The following ATP6V1A variants were observed in gnomAD, a reference collection of about 807,000 sequenced individuals.
ATP6V1A encodes the protein V-type proton ATPase catalytic subunit A.
A neutral mutation model predicts 70.1 loss-of-function variants in ATP6V1A; 18 were observed. That is an observed-to-expected ratio of 0.26 (90% CI 0.18 to 0.38). ATP6V1A has a LOEUF of 0.38. Among genes scored for constraint, ATP6V1A ranks in the 10% least tolerant of loss-of-function variants. ATP6V1A has a pLI of 1.00. For synonymous variants in ATP6V1A, 232 were observed against 253.8 expected (o/e 0.91, Z 0.82); for missense variants, 424 against 772.4 (o/e 0.55, Z 5.35).
intron 13 of ATP6V1A, among the ~76,000 whole-genome samples, chr3:113,804,819 T>C (rs1709257075): frequency 6.6e-6 from 1 of 152,240 alleles, no homozygotes; most frequent in Non-Finnish European, 1.5e-5. Flanking sequence ...AAGTTGAATA[T>C]TTGTTCACGT....
At chr3:113,805,103 T>C (rs1709260308) in intron 13 of ATP6V1A, among the ~76,000 whole-genome samples, 1 of 152,162 alleles carries the variant, frequency 6.6e-6, no homozygotes, top group Admixed American at 6.6e-5. Context: ...AAAAGTAAAA[T>C]TTACCCTTAA....
At chr3:113,799,285 A>T (rs1269041751) in intron 12 of ATP6V1A, among the ~76,000 whole-genome samples, 1 of 152,230 alleles carries the variant, frequency 6.6e-6, no homozygotes, top group Admixed American at 6.5e-5. Context: ...TGTCCATATT[A>T]GACACAGAAA....
intron 1 of ATP6V1A, among the ~76,000 whole-genome samples, chr3:113,768,762 AT>A (rs1268788308): frequency 3.3e-5 from 5 of 151,878 alleles, no homozygotes; most frequent in African/African-American, 1.2e-4. Context: ...TGCCTGGCTA[AT>A]TTTTGTATTT....
chr3:113,774,260 G>T lies in ATP6V1A; in HGVS notation c.-13-4481G>T, dbSNP rs937814816. Among the ~76,000 whole-genome samples the T allele has an allele frequency of 2.0e-5, 3 of 152,302 alleles. No individual in the cohort carries two copies. The South Asian group carries it at 6.2e-4, about 32-fold the overall frequency. ...ATTTGGTTCAAGATAAGAACAACTA[G>T]ATTTGGTAGCGAGGTAAGAATCACT... On this transcript the variant is annotated intron_variant, in intron 1 of 14. Transcript: ENST00000273398.
intron 1 of ATP6V1A, 50 bp from the exon 2 acceptor site, chr3:113,778,691 T>C: frequency 8.4e-7 from 1 of 1,194,576 alleles, no homozygotes; most frequent in Non-Finnish European, 1.1e-6. Context: ...TTTGGGTCTT[T>C]TGCTTTACGG....
In ATP6V1A at chr3:113,805,528, A is replaced by G. The variant is rs1212007429; in HGVS notation, c.1761+3A>G. 2.5e-6 allele frequency: 4 copies of G among 1,598,370 alleles called. No individual in the cohort carries two copies. Among genetic ancestry groups the G allele is most frequent in the African/African-American group, 1.3e-5 (1 of 74,142 alleles). On this transcript the variant is annotated splice_donor_region_variant and intron_variant, in intron 14 of 14. Coordinates refer to ENST00000273398, the MANE Select transcript of ATP6V1A (RefSeq NM_001690.4). ...AACTTTCCTCCATGAAATTCAAGGT[A>G]TATTTTGTTTCTGCTGTAACTTTTT...
intron 14 of ATP6V1A, among the ~76,000 whole-genome samples, chr3:113,806,853 A>G (rs896966784): frequency 3.3e-5 from 5 of 152,236 alleles, no homozygotes; most frequent in African/African-American, 7.2e-5. Context: ...ACTCAAATGT[A>G]TAAGATTGTT....
chr3:113,763,191 C>G (rs1708726263), intron 1 of ATP6V1A, among the ~76,000 whole-genome samples: 1 of 152,072 alleles, frequency 6.6e-6, no homozygotes, highest in South Asian at 2.1e-4. Flanking sequence ...TTCCTGGGTT[C>G]ACCATTCTGC....
chr3:113,805,629 C>G (rs779294278), intron 14 of ATP6V1A, 104 bp downstream of exon 14: 8 of 1,155,128 alleles, frequency 6.9e-6, no homozygotes, highest in Non-Finnish European at 8.5e-6. Context: ...AGTGCAGTGG[C>G]ATGATCTTGT....
At chr3:113,789,941 C>T in intron 8 of ATP6V1A, 101 bp downstream of exon 8, 1 of 846,208 alleles carries the variant, frequency 1.2e-6, no homozygotes. Context: ...TCTAAAATAT[C>T]TCTGTACATA....
At chr3:113,804,360 C>T (rs578009892) in intron 13 of ATP6V1A, among the ~76,000 whole-genome samples, 3 of 152,136 alleles carry the variant, frequency 2.0e-5, no homozygotes, top group Non-Finnish European at 4.4e-5. Context: ...TTTCATGCCT[C>T]ATTTCCCAAG....
At chr3:113,749,303 ACAC>A (rs1310092617) in intron 1 of ATP6V1A, among the ~76,000 whole-genome samples, 10 of 147,598 alleles carry the variant, frequency 6.8e-5, no homozygotes, top group Non-Finnish European at 1.2e-4. Context: ...ACACACACAC[ACAC>A]GATTGGAAGC....
At chr3:113,764,752 C>G (rs191393623) in intron 1 of ATP6V1A, among the ~76,000 whole-genome samples, 1 of 151,954 alleles carries the variant, frequency 6.6e-6, no homozygotes, top group Admixed American at 6.6e-5. Context: ...TTACTTTTCC[C>G]CCTTCAGTTT....
At chr3:113,782,614 G>A (rs928234034) in intron 3 of ATP6V1A, among the ~76,000 whole-genome samples, 1 of 134,474 alleles carries the variant, frequency 7.4e-6, no homozygotes, top group African/African-American at 2.8e-5. Context: ...ATATATATAT[G>A]GTTTTTTTGT....
chr3:113,750,613 A>G (rs1443137849), intron 1 of ATP6V1A, among the ~76,000 whole-genome samples: 1 of 152,258 alleles, frequency 6.6e-6, no homozygotes, highest in Non-Finnish European at 1.5e-5. Context: ...ACCACTTAAT[A>G]ACTGTGTGAC....
chr3:113,794,384 T>C (rs1249364594), intron 8 of ATP6V1A, among the ~76,000 whole-genome samples: 1 of 152,232 alleles, frequency 6.6e-6, no homozygotes, highest in Non-Finnish European at 1.5e-5. Context: ...TTCTAAAATG[T>C]GCATTATATT....
At position 113,793,114 on chromosome 3, in the gene ATP6V1A, C is replaced by T. The variant is rs143515242; in HGVS notation, c.989-1758C>T. 4.4e-3 allele frequency among the ~76,000 whole-genome samples: 677 copies of T among 152,212 alleles called. 3 individuals carry two copies. The highest frequency in any genetic ancestry group is 0.015 in the African/African-American group (624 of 41,526). ...TCACTCAGTCACCCAGGCTGGAATG[C>T]AGTGGTGCGATCTTGGCTCACTGCA... is the stretch of plus-strand genomic sequence containing the variant. On this transcript the variant is annotated intron_variant, in intron 8 of 14. Coordinates refer to ENST00000273398, the MANE Select transcript of ATP6V1A (RefSeq NM_001690.4).
intron 1 of ATP6V1A, among the ~76,000 whole-genome samples, chr3:113,763,655 C>G (rs994553800): frequency 6.6e-6 from 1 of 152,104 alleles, no homozygotes; most frequent in Non-Finnish European, 1.5e-5. Context: ...GTATTTAGTT[C>G]TAATACCATA....
At chr3:113,795,976 T>A in intron 11 of ATP6V1A, 37 bp downstream of exon 11, 1 of 1,525,268 alleles carries the variant, frequency 6.6e-7, no homozygotes, top group Non-Finnish European at 9.0e-7. Flanking sequence ...TTCTGAGCCT[T>A]TCCTCCTCTC....
Sources: gnomAD v4.1 joint callset for allele counts (sites outside exome capture counted in the v4.1 genomes callset) on GRCh38, gnomAD v4.1.1 for gene constraint, MANE v1.5 for transcripts, NCBI Gene and HGNC (gene_info 2026-07-23, HGNC 2026-07-21) for gene names.